The following RBM33 variants were observed in gnomAD, a reference collection of about 807,000 sequenced individuals.
The protein encoded by RBM33 is RNA binding motif protein 33, also known as RNA-binding protein 33.
A neutral mutation model predicts 132.6 loss-of-function variants in RBM33; 28 were observed. The observed-to-expected ratio is 0.21, with a 90% CI of 0.16 to 0.29. The LOEUF is 0.29. Ranked by LOEUF, RBM33 falls within the 10% of genes least tolerant of loss-of-function variation. RBM33 has a pLI of 1.00. For missense variants in RBM33, 1,291 were observed against 1,518.5 expected (o/e 0.85, Z 2.49); for synonymous variants, 634 against 593.0 (o/e 1.07, Z -1.01).
At chr7:155,645,244 G>A in intron 1 of RBM33, 1 of 286,124 alleles carries the variant, frequency 3.5e-6, no homozygotes, top group Non-Finnish European at 6.5e-6. Context: ...GGGTAGGAGA[G>A]CGCCCCCCCC....
chr7:155,653,983 G>A (rs1798425159), intron 1 of RBM33, among the ~76,000 whole-genome samples: 1 of 152,178 alleles, frequency 6.6e-6, no homozygotes, highest in Admixed American at 6.5e-5. Context: ...AGGATTGAAT[G>A]GAGTTGTTGG....
chr7:155,651,518 T>C (rs1011891846), intron 1 of RBM33, among the ~76,000 whole-genome samples: 6 of 146,848 alleles, frequency 4.1e-5, no homozygotes, highest in Non-Finnish European at 7.4e-5. Context: ...AGGTGGAGGT[T>C]GTAGTGAGCC....
chr7:155,756,975 A>G (rs1043872684), intron 14 of RBM33, among the ~76,000 whole-genome samples: 5 of 152,202 alleles, frequency 3.3e-5, no homozygotes, highest in African/African-American at 7.2e-5. Context: ...ATTAGATGCC[A>G]TTCAGAGTAA....
intron 9 of RBM33, among the ~76,000 whole-genome samples, chr7:155,733,950 T>G (rs934755074): frequency 1.3e-5 from 2 of 152,212 alleles, no homozygotes; most frequent in African/African-American, 4.8e-5. Context: ...TCTGTCAGTC[T>G]CTTTGTGAGC....
Position 155,766,673 on chromosome 7 carries a change from G to A in RBM33, c.3375+18G>A, listed in dbSNP as rs867976857. The A allele has an allele frequency of 6.2e-7, 1 of 1,600,460 alleles. No homozygotes were observed. Among genetic ancestry groups the A allele is most frequent in the Non-Finnish European group, 8.5e-7 (1 of 1,173,446 alleles). ...CCATTCAGGTAGCCGCCTGGGGGTG[G>A]CATCTGTGCCACGGGTAGTTGTGTC... On this transcript the variant is annotated intron_variant, in intron 16 of 17. Transcript: ENST00000401878.
chr7:155,700,846 A>G lies in RBM33; in HGVS notation c.641A>G (p.Glu214Gly). The change falls in exon 6 of 18, where the codon GAA becomes GGA. Residue 214 changes from glutamate to glycine, a missense_variant. Physicochemically the swap from Glu to Gly is moderately conservative, Grantham distance 98. Coordinates refer to ENST00000401878, the MANE Select transcript of RBM33 (RefSeq NM_053043.3). ...ESDEEEEDDE[E>G]SGRLRFKTER... ...GATGAAGAAGAAGAAGATGATGAAG[A>G]ATCTGGACGATTACGTTTCAAAACT... 2 of 1,608,470 alleles carry G rather than the reference A, an allele frequency of 1.2e-6. No homozygotes were observed. The highest frequency in any genetic ancestry group is 1.1e-5 in the South Asian group (1 of 89,432).
intron 16 of RBM33, among the ~76,000 whole-genome samples, chr7:155,769,581 A>G (rs1163199818): frequency 2.6e-5 from 4 of 152,040 alleles, no homozygotes; most frequent in Non-Finnish European, 5.9e-5. Flanking sequence ...TCAGCCCACC[A>G]TGGAGGCCCT....
In RBM33 at chr7:155,680,817, A is replaced by C; in HGVS notation, c.476A>C (p.Gln159Pro). The C allele has an allele frequency of 6.2e-7, 1 of 1,613,916 alleles. No individual in the cohort carries two copies. The highest frequency in any genetic ancestry group is 2.2e-5 in the East Asian group (1 of 44,868). ...EGHEAELTED[Q>P]IEYVEEPEEE... ...CACGAAGCTGAGTTGACAGAAGACC[A>C]AATAGAATATGTGGAAGAGCCAGAG... Residue 159 changes from glutamine to proline, a missense_variant, in exon 5 of 18, where the codon CAA becomes CCA. Physicochemically the swap from Gln to Pro is moderately conservative, Grantham distance 76. This residue lies in a region of RBM33 where 194 missense variants were observed against 249.8 expected (regional missense o/e 0.78). Transcript: ENST00000401878.
chr7:155,691,287 C>T (rs1277219769), intron 5 of RBM33, among the ~76,000 whole-genome samples: 2 of 152,130 alleles, frequency 1.3e-5, no homozygotes, highest in Admixed American at 6.5e-5. Flanking sequence ...GCAGTCATCA[C>T]GTAGTTCTCG....
intron 16 of RBM33, among the ~76,000 whole-genome samples, chr7:155,772,599 A>G (rs979449871): frequency 1.3e-5 from 2 of 152,184 alleles, no homozygotes; most frequent in African/African-American, 4.8e-5. Context: ...TTTTCCTGTT[A>G]ACTTAATGAC....
chr7:155,729,042 C>T (rs1422638147), intron 9 of RBM33, among the ~76,000 whole-genome samples: 1 of 152,190 alleles, frequency 6.6e-6, no homozygotes, highest in Non-Finnish European at 1.5e-5. Context: ...TTAATTGACT[C>T]ACAGTTCCGC....
rs1463583563 is a variant in RBM33 at position 155,732,273 on chromosome 7, T to TA, written c.1261-5250dup. 2.6e-5 allele frequency among the ~76,000 whole-genome samples: 4 copies of TA among 152,196 alleles called. 1 individual carries two copies. Among genetic ancestry groups the TA allele is most frequent in the Admixed American group, 1.3e-4 (2 of 15,278 alleles). ...AATTGGCAAAATAATTGTAAATTGA[T>TA]AAAAAAATTTTCACACCCAGTGATG... On this transcript the variant is annotated intron_variant, in intron 9 of 17. Transcript: ENST00000401878.
chr7:155,775,698 C>G lies in RBM33; in HGVS notation c.*657C>G, dbSNP rs1290082234. The G allele has an allele frequency of 6.4e-6, 1 of 157,214 alleles. No homozygotes were observed. 9.7% of individuals were successfully genotyped at this position (157,214 alleles called of 1,614,324 possible). The stretch of plus-strand genomic sequence containing the variant: ...GTGTTCCTAGTTTCGATGAACTCCC[C>G]ATTCATTTTTAACACACTTCCCAGA... On this transcript the variant is annotated 3_prime_UTR_variant, in exon 18 of 18. Transcript: ENST00000401878.
rs1395774017 is a variant in RBM33, at chr7:155,701,120, T to G, written c.739+176T>G. The G allele has an allele frequency of 9.8e-6, 6 of 611,368 alleles. No individual in the cohort carries two copies. The African/African-American group carries it at 1.1e-4, about 11-fold the overall frequency. The allele number at this position is 611,368 out of a possible 1,614,324, so 37.9% of individuals were successfully genotyped here. On this transcript the variant is annotated intron_variant, in intron 6 of 17. Coordinates refer to ENST00000401878, the MANE Select transcript of RBM33 (RefSeq NM_053043.3). ...TTATGGTACTGTAAAACTCATTCTTTAAAATCATTGCTGTTTATGGATTTA... is the reference window on the plus strand; with the variant it reads ...TTATGGTACTGTAAAACTCATTCTTGAAAATCATTGCTGTTTATGGATTTA...
At chr7:155,646,744 G>C (rs774097184) in intron 1 of RBM33, among the ~76,000 whole-genome samples, 1 of 152,108 alleles carries the variant, frequency 6.6e-6, no homozygotes, top group Admixed American at 6.5e-5. Flanking sequence ...TCTTCAGAAC[G>C]TTTATCTTAA....
At chr7:155,718,554 C>T (rs1800533188) in intron 9 of RBM33, 111 bp downstream of exon 9, 1 of 840,208 alleles carries the variant, frequency 1.2e-6, no homozygotes, top group Non-Finnish European at 1.9e-6. Flanking sequence ...TAAGGATTTG[C>T]AAATATTGAC....
chr7:155,658,249 A>G (rs964701536), intron 1 of RBM33, among the ~76,000 whole-genome samples: 5 of 152,088 alleles, frequency 3.3e-5, no homozygotes, highest in African/African-American at 1.2e-4. Context: ...AAAATATTTT[A>G]TCTGATATTA....
At chr7:155,738,678 A>G (rs1801213083) in intron 11 of RBM33, 1 of 401,248 alleles carries the variant, frequency 2.5e-6, no homozygotes, top group African/African-American at 2.0e-5. Flanking sequence ...AAATTAGGAC[A>G]TGTTTTGATA....
At chr7:155,758,284 T>A (rs527405786) in intron 14 of RBM33, among the ~76,000 whole-genome samples, 139 of 152,302 alleles carry the variant, frequency 9.1e-4, no homozygotes, top group South Asian at 4.1e-3. Flanking sequence ...ATGATATCAT[T>A]TGTTGCTATA....
Sources: allele counts gnomAD v4.1 joint callset (sites outside exome capture counted in the v4.1 genomes callset), GRCh38; gene constraint gnomAD v4.1.1; regional missense constraint gnomAD v4.1.1; transcripts MANE v1.5; gene names NCBI Gene and HGNC (gene_info 2026-07-23, HGNC 2026-07-21).